The following MSH3 variants were observed in gnomAD, a reference collection of about 807,000 sequenced individuals.
The protein encoded by MSH3 is mutS homolog 3, also known as DNA mismatch repair protein Msh3.
Under a neutral mutation model 123.3 loss-of-function variants are expected in MSH3, and 106 were observed. The observed-to-expected ratio is 0.86, with a 90% CI of 0.73 to 1.01. MSH3 has a LOEUF of 1.01. MSH3 is among the 50% of genes least tolerant of loss of function. The probability of loss-of-function intolerance (pLI) is 0.00; values close to 1 mark genes in which losing one functional copy is unlikely to be tolerated. For synonymous variants in MSH3, 515 were observed against 481.4 expected (o/e 1.07, Z -0.91); for missense variants, 1,459 against 1,347.6 (o/e 1.08, Z -1.29).
chr5:80,663,924 T>C (rs747390380), intron 2 of MSH3, among the ~76,000 whole-genome samples: 1 of 152,110 alleles, frequency 6.6e-6, no homozygotes, highest in Admixed American at 6.6e-5. Context: ...CTCAGAGTGT[T>C]TTTGCTTTAA....
chr5:80,720,945 A>C (rs903207212), intron 8 of MSH3, among the ~76,000 whole-genome samples: 6 of 152,170 alleles, frequency 3.9e-5, no homozygotes, highest in African/African-American at 1.4e-4. Flanking sequence ...GTTTTACACA[A>C]TTTTGTAACC....
At chr5:80,656,385 A>G (rs763514666) in intron 1 of MSH3, 26 bp from the exon 2 acceptor site, 2 of 1,613,702 alleles carry the variant, frequency 1.2e-6, no homozygotes, top group South Asian at 1.1e-5. Flanking sequence ...GAGATAACAC[A>G]TCATTTTCTA....
At chr5:80,832,333 A>G (rs1745434071) in intron 20 of MSH3, among the ~76,000 whole-genome samples, 1 of 152,172 alleles carries the variant, frequency 6.6e-6, no homozygotes, top group East Asian at 1.9e-4. Flanking sequence ...AAGTTCTGCA[A>G]ATGGAGGCCT....
chr5:80,800,982 GT>G (rs1744780795), intron 19 of MSH3, among the ~76,000 whole-genome samples: 1 of 152,202 alleles, frequency 6.6e-6, no homozygotes, highest in African/African-American at 2.4e-5. Flanking sequence ...TGATGTTTGA[GT>G]GTAGACCTGT....
intron 20 of MSH3, among the ~76,000 whole-genome samples, chr5:80,827,371 T>G (rs1745338174): frequency 6.6e-6 from 1 of 152,208 alleles, no homozygotes; most frequent in Non-Finnish European, 1.5e-5. Flanking sequence ...ACGAGTGTGT[T>G]TTTCTTGAAA....
intron 8 of MSH3, among the ~76,000 whole-genome samples, chr5:80,682,085 C>T (rs568340407): frequency 3.9e-5 from 6 of 152,120 alleles, no homozygotes; most frequent in African/African-American, 9.6e-5. Context: ...TTGGACTAAG[C>T]GAAGTCAAAA....
chr5:80,667,675 C>T (rs765673457), intron 3 of MSH3, among the ~76,000 whole-genome samples: 50 of 152,178 alleles, frequency 3.3e-4, no homozygotes, highest in African/African-American at 1.2e-3. Context: ...CAGGTGCCAG[C>T]GTGAGTGAGG....
intron 12 of MSH3, among the ~76,000 whole-genome samples, chr5:80,750,507 A>G (rs1002991676): frequency 3.3e-5 from 5 of 151,694 alleles, no homozygotes; most frequent in African/African-American, 9.7e-5. Flanking sequence ...TCATTTATCT[A>G]TTGGCCATTT....
intron 12 of MSH3, among the ~76,000 whole-genome samples, chr5:80,760,337 T>C (rs1744010370): frequency 6.6e-6 from 1 of 152,252 alleles, no homozygotes; most frequent in Non-Finnish European, 1.5e-5. Flanking sequence ...CTTTGATGTT[T>C]ATAGGTACTT....
chr5:80,683,479 C>T (rs1750016654), intron 8 of MSH3, among the ~76,000 whole-genome samples: 1 of 152,130 alleles, frequency 6.6e-6, no homozygotes, highest in Non-Finnish European at 1.5e-5. Flanking sequence ...GAGCTTTTCA[C>T]ATACCAGGCT....
chr5:80,700,274 A>G (rs1049919749), intron 8 of MSH3, among the ~76,000 whole-genome samples: 4 of 152,034 alleles, frequency 2.6e-5, no homozygotes, highest in African/African-American at 9.7e-5. Context: ...CCACCTTCTC[A>G]GGAGGCTGAG....
At chr5:80,777,481 T>C (rs1390248180) in intron 16 of MSH3, among the ~76,000 whole-genome samples, 1 of 152,146 alleles carries the variant, frequency 6.6e-6, no homozygotes. Flanking sequence ...CTGAAATATC[T>C]CCCTAAATGA....
chr5:80,787,258 A>G (rs1362600441), intron 17 of MSH3, among the ~76,000 whole-genome samples: 1 of 152,242 alleles, frequency 6.6e-6, no homozygotes, highest in Non-Finnish European at 1.5e-5. Flanking sequence ...AATGACTGCT[A>G]TATTTATGTT....
At chr5:80,670,397 T>C (rs1749678318) in intron 4 of MSH3, 88 bp downstream of exon 4, 4 of 1,318,412 alleles carry the variant, frequency 3.0e-6, no homozygotes, top group East Asian at 2.4e-5. Flanking sequence ...TCTGACCTTA[T>C]ATAAAAGCTG....
At chr5:80,784,660 A>AT (rs1744472192) in intron 17 of MSH3, among the ~76,000 whole-genome samples, 2 of 151,850 alleles carry the variant, frequency 1.3e-5, no homozygotes, top group Non-Finnish European at 1.5e-5. Context: ...CATTCTTTCT[A>AT]TTTTTTTGGA....
rs750229262 is a variant in MSH3 at position 80,875,851 on chromosome 5, C to T, written c.3403C>T (p.Leu1135Phe). Residue 1135 changes from leucine to phenylalanine, a missense_variant, in exon 24 of 24, where the codon CTT becomes TTT. Physicochemically the swap from Leu to Phe is conservative, Grantham distance 22. Transcript: ENST00000265081. ...CAACATGGAAGAAACACAGACTTCT[C>T]TTCTTCATTAAAATGAAGACTACAT... is the stretch of plus-strand genomic sequence containing the variant. ...EFNMEETQTS[L>F]LH 1.9e-6 allele frequency: 3 copies of T among 1,600,278 alleles called. No individual in the cohort carries two copies. The highest frequency in any genetic ancestry group is 1.1e-5 in the South Asian group (1 of 90,712).
chr5:80,813,819 G>A (rs1299098251), intron 20 of MSH3, 78 bp downstream of exon 20: 2 of 1,502,644 alleles, frequency 1.3e-6, no homozygotes, highest in East Asian at 2.3e-5. Flanking sequence ...TTCCTTTTGT[G>A]TACATATTTA....
intron 15 of MSH3, among the ~76,000 whole-genome samples, chr5:80,775,098 A>T (rs987370708): frequency 3.7e-4 from 56 of 152,160 alleles, no homozygotes; most frequent in African/African-American, 1.3e-3. Context: ...TGTACCCACA[A>T]AAATAAAAAA....
At chr5:80,812,877 A>C (rs990607535) in intron 19 of MSH3, among the ~76,000 whole-genome samples, 1 of 152,120 alleles carries the variant, frequency 6.6e-6, no homozygotes, top group Non-Finnish European at 1.5e-5. Context: ...ACTCTTGACC[A>C]GGGAGCTATT....
Sources: allele counts gnomAD v4.1 joint callset (sites outside exome capture counted in the v4.1 genomes callset), GRCh38; gene constraint gnomAD v4.1.1; transcripts MANE v1.5; gene names NCBI Gene and HGNC (gene_info 2026-07-23, HGNC 2026-07-21).